ZCCHC24: variants seen among roughly 807,000 people sequenced by gnomAD.
The protein encoded by ZCCHC24 is zinc finger CCHC domain-containing protein 24.
Under a neutral mutation model 26.2 loss-of-function variants are expected in ZCCHC24, and 10 were observed. The observed-to-expected ratio is 0.38, with a 90% CI of 0.24 to 0.65. ZCCHC24 has a LOEUF of 0.65. Among genes scored for constraint, ZCCHC24 ranks in the 30% least tolerant of loss-of-function variants. The pLI is 0.54. For missense variants in ZCCHC24, 243 were observed against 329.1 expected (o/e 0.74, Z 2.03); for synonymous variants, 144 against 147.1 (o/e 0.98, Z 0.15).
chr10:79,441,260 G>C (rs1161808610), intron 1 of ZCCHC24, among the ~76,000 whole-genome samples: 1 of 152,084 alleles, frequency 6.6e-6, no homozygotes, highest in African/African-American at 2.4e-5. Context: ...GTCTGTTGAG[G>C]GCACATCCAA....
At chr10:79,405,486 C>T (rs1309384034) in intron 2 of ZCCHC24, among the ~76,000 whole-genome samples, 2 of 152,206 alleles carry the variant, frequency 1.3e-5, no homozygotes, top group East Asian at 1.9e-4. Flanking sequence ...CAGGGCTGAT[C>T]ATGGCGTGGG....
intron 2 of ZCCHC24, among the ~76,000 whole-genome samples, chr10:79,406,839 T>C (rs1856721563): frequency 6.6e-6 from 1 of 152,198 alleles, no homozygotes. Flanking sequence ...CTTGCCCTTG[T>C]CTGTGGACAG....
At chr10:79,395,792 A>G (rs1856538795) in intron 2 of ZCCHC24, among the ~76,000 whole-genome samples, 1 of 152,100 alleles carries the variant, frequency 6.6e-6, no homozygotes, top group Non-Finnish European at 1.5e-5. Flanking sequence ...TTTATATATG[A>G]AAGAAACTAG....
chr10:79,433,312 G>T (rs1857162204), intron 1 of ZCCHC24, among the ~76,000 whole-genome samples: 1 of 152,208 alleles, frequency 6.6e-6, no homozygotes, highest in Non-Finnish European at 1.5e-5. Context: ...CCCTTTGCCA[G>T]GTTTCCTGCA....
At chr10:79,444,138 G>A (rs1205681796) in intron 1 of ZCCHC24, 3 of 1,545,952 alleles carry the variant, frequency 1.9e-6, no homozygotes, top group Admixed American at 2.0e-5. Context: ...TGACCCCCAT[G>A]TGTGTCCTCC....
chr10:79,420,442 G>A lies in ZCCHC24; in HGVS notation c.447+12116C>T, dbSNP rs1856920792. Among the ~76,000 whole-genome samples the A allele has an allele frequency of 2.0e-5, 3 of 152,150 alleles. 1 individual carries two copies. In the South Asian group the frequency reaches 6.2e-4, roughly 32 times the overall value. On this transcript the variant is annotated intron_variant, in intron 2 of 3. Transcript: ENST00000372336. ...CTGAAGCAGTCTCTTAGAACCCTGG[G>A]ACTTCTCAAGCCAGTTTGAAACAGC...
intron 2 of ZCCHC24, among the ~76,000 whole-genome samples, chr10:79,426,635 G>A (rs536361687): frequency 1.3e-5 from 2 of 152,180 alleles, no homozygotes; most frequent in South Asian, 4.1e-4. Flanking sequence ...AAGACACAAT[G>A]TATAAGATAA....
At chr10:79,400,021 T>G (rs1856609087) in intron 2 of ZCCHC24, among the ~76,000 whole-genome samples, 1 of 152,190 alleles carries the variant, frequency 6.6e-6, no homozygotes, top group African/African-American at 2.4e-5. Context: ...TGGAGGCACT[T>G]CCAACTCTAC....
chr10:79,390,506 C>T (rs1262402399), intron 3 of ZCCHC24, among the ~76,000 whole-genome samples: 1 of 152,118 alleles, frequency 6.6e-6, no homozygotes, highest in Non-Finnish European at 1.5e-5. Flanking sequence ...CTTGCCAGCA[C>T]CCTCCTGGGC....
At chr10:79,409,506 C>G (rs576847725) in intron 2 of ZCCHC24, among the ~76,000 whole-genome samples, 1 of 152,220 alleles carries the variant, frequency 6.6e-6, no homozygotes, top group Admixed American at 6.5e-5. Context: ...CCTCTGATTC[C>G]CTGGGCCCAG....
At chr10:79,432,780 A>G in intron 1 of ZCCHC24, 22 bp from the exon 2 acceptor site, 1 of 1,606,148 alleles carries the variant, frequency 6.2e-7, no homozygotes, top group African/African-American at 1.3e-5. Flanking sequence ...AGAGGCACAT[A>G]TACTACAGCC....
intron 2 of ZCCHC24, among the ~76,000 whole-genome samples, chr10:79,428,054 A>C (rs1417747958): frequency 1.3e-5 from 2 of 152,272 alleles, no homozygotes; most frequent in Non-Finnish European, 2.9e-5. Context: ...AAAGCGAGCA[A>C]AGATACTTAT....
chr10:79,385,870 A>G lies in ZCCHC24; in HGVS notation c.*475T>C. On this transcript the variant is annotated 3_prime_UTR_variant, in exon 4 of 4. Transcript: ENST00000372336. This position sits in a 1 kb window ranked among gnomAD's most constrained non-coding sequence, Gnocchi z 4.3. ...GTCCCCTTGCCACGATTGCTGACTC[A>G]GGAAAGAGGGATTTCTGAGAGTGGC... 6.4e-6 allele frequency: 2 copies of G among 312,980 alleles called. No individual in the cohort carries two copies. Among genetic ancestry groups the G allele is most frequent in the Non-Finnish European group, 1.2e-5 (2 of 170,442 alleles). 19.4% of individuals were successfully genotyped at this position (312,980 alleles called of 1,614,324 possible). A position where few individuals can be genotyped will look rare whatever the true frequency, so the allele number is the denominator to read the frequency against.
chr10:79,433,935 T>C (rs1857178621), intron 1 of ZCCHC24, among the ~76,000 whole-genome samples: 1 of 152,230 alleles, frequency 6.6e-6, no homozygotes, highest in South Asian at 2.1e-4. Flanking sequence ...GGGCACAGTC[T>C]TGCCTCCCCC....
chr10:79,444,448 A>C (rs1018242010), intron 1 of ZCCHC24, among the ~76,000 whole-genome samples: 1 of 152,148 alleles, frequency 6.6e-6, no homozygotes, highest in Non-Finnish European at 1.5e-5. Flanking sequence ...TTTCTGCAGA[A>C]GGCGCTGGGC....
intron 2 of ZCCHC24, among the ~76,000 whole-genome samples, chr10:79,428,241 T>G (rs1857061493): frequency 6.6e-6 from 1 of 152,214 alleles, no homozygotes; most frequent in Admixed American, 6.5e-5. Flanking sequence ...TTGAGGAAAT[T>G]ATGCTAAGTG....
At chr10:79,425,957 T>G (rs1357415137) in intron 2 of ZCCHC24, among the ~76,000 whole-genome samples, 1 of 152,222 alleles carries the variant, frequency 6.6e-6, no homozygotes, top group Non-Finnish European at 1.5e-5. Flanking sequence ...GACCATGGCC[T>G]AGGCACAGCC....
intron 3 of ZCCHC24, 105 bp from the exon 4 acceptor site, chr10:79,386,563 T>C (rs919211630): frequency 3.5e-6 from 3 of 848,230 alleles, no homozygotes; most frequent in Non-Finnish European, 3.6e-6. Flanking sequence ...GTGAGACAGG[T>C]ACACAGGGAG....
At chr10:79,411,154 A>G (rs976978843) in intron 2 of ZCCHC24, among the ~76,000 whole-genome samples, 1 of 152,188 alleles carries the variant, frequency 6.6e-6, no homozygotes, top group African/African-American at 2.4e-5. Flanking sequence ...TCCTGTCCTC[A>G]GGAATCGCCT....
Sources: gnomAD v4.1 joint callset for allele counts (sites outside exome capture counted in the v4.1 genomes callset) on GRCh38, gnomAD v4.1.1 for gene constraint, Gnocchi (gnomAD v3.1) non-coding constraint, MANE v1.5 for transcripts, NCBI Gene and HGNC (gene_info 2026-07-23, HGNC 2026-07-21) for gene names.